NAA25: variants seen among roughly 807,000 people sequenced by gnomAD.
The protein encoded by NAA25 is N-alpha-acetyltransferase 25, NatB auxiliary subunit.
In NAA25, 30 loss-of-function variants were observed where a neutral mutation model predicts 132.5. That is an observed-to-expected ratio of 0.23 (90% CI 0.17 to 0.31). The LOEUF (loss-of-function observed/expected upper bound fraction) is 0.31, where lower values mean the gene tolerates loss of function less well. NAA25 is among the 10% of genes least tolerant of loss of function. NAA25 has a pLI of 1.00. For missense variants in NAA25, 771 were observed against 1,150.4 expected, an observed-to-expected ratio of 0.67 and a Z score of 4.77; for synonymous variants, 359 against 401.9, an observed-to-expected ratio of 0.89 and a Z score of 1.28.
chr12:112,037,271 A>AATATAT (rs1555231751), intron 22 of NAA25, among the ~76,000 whole-genome samples: 1 of 75,532 alleles, frequency 1.3e-5, no homozygotes, highest in Admixed American at 1.9e-4. Context: ...TATTTTAAAA[A>AATATAT]ATACATATAT....
rs2078514794 is a variant in NAA25, at chr12:112,054,454, G to A, written c.1562C>T (p.Ala521Val). The change falls in exon 14 of 24, where the codon GCA becomes GTA. Residue 521 changes from alanine (A) to valine (V), a missense_variant. Physicochemically the swap from Ala to Val is moderately conservative, Grantham distance 64. Transcript: ENST00000261745. ...GTAAAGATCCACCACTGGTTCAAAT[G>A]CACCCAGCATACAGTAGATTCGAAC... ...LLVRIYCMLG[A>V]FEPVVDLYSS... 4 of 1,614,056 alleles carry A rather than the reference G, an allele frequency of 2.5e-6. No homozygotes were observed. Among genetic ancestry groups the A allele is most frequent in the Non-Finnish European group, 3.4e-6 (4 of 1,179,996 alleles).
At chr12:112,057,060 C>T (rs556834356) in intron 13 of NAA25, among the ~76,000 whole-genome samples, 69 of 151,968 alleles carry the variant, frequency 4.5e-4, no homozygotes, top group African/African-American at 1.6e-3. Context: ...TGGTGGTGCG[C>T]GCCTGTAATC....
chr12:112,086,073 T>TATATATATATATATACATACACACAC (rs759148501), intron 4 of NAA25, among the ~76,000 whole-genome samples: 1 of 53,988 alleles, frequency 1.9e-5, no homozygotes, highest in African/African-American at 1.2e-4. Context: ...TATATATATA[T>TATATATATATATATACATACACACAC]ACACACACAC....
intron 13 of NAA25, among the ~76,000 whole-genome samples, chr12:112,055,042 C>T (rs573576880): frequency 3.2e-4 from 48 of 152,164 alleles, no homozygotes; most frequent in African/African-American, 1.1e-3. Flanking sequence ...TAAAATGATA[C>T]TTTTTTTGGG....
chr12:112,080,267 A>T (rs2136906466), intron 5 of NAA25, among the ~76,000 whole-genome samples: 1 of 135,628 alleles, frequency 7.4e-6, no homozygotes, highest in Non-Finnish European at 1.6e-5. Flanking sequence ...GGTTAGAGCG[A>T]GACTCTGTCT....
chr12:112,044,133 G>A lies in NAA25; in HGVS notation c.2007-265C>T, dbSNP rs370021522. Among the ~76,000 whole-genome samples, 14 of 151,206 alleles carry A rather than the reference G, an allele frequency of 9.3e-5. No homozygotes were observed. The East Asian group carries it at 9.9e-4, about 11-fold the overall frequency. The stretch of plus-strand genomic sequence containing the variant: ...TTTTTAGTAGAGACGGGTTTTCACC[G>A]TGTTAGCCAGGATGGTCTTGATCTC... On this transcript the variant is annotated intron_variant, in intron 17 of 23. Transcript: ENST00000261745.
intron 22 of NAA25, among the ~76,000 whole-genome samples, chr12:112,038,351 T>A (rs142209018): frequency 6.6e-6 from 1 of 152,318 alleles, no homozygotes; most frequent in East Asian, 1.9e-4. Flanking sequence ...ATTGTATCAA[T>A]GCTAAATTTC....
In NAA25 at chr12:112,099,240, G is replaced by A. The variant is rs1288370002; in HGVS notation, c.59-6104C>T. The stretch of plus-strand genomic sequence containing the variant: ...CTTGACCTCGTGATCCGTCTGCCTC[G>A]GTCTCCCAAAGTGCTGGGATTATAG... On this transcript the variant is annotated intron_variant, in intron 1 of 23. Transcript: ENST00000261745. 9.9e-5 allele frequency among the ~76,000 whole-genome samples: 15 copies of A among 151,368 alleles called. No individual in the cohort carries two copies. The South Asian group carries it at 1.9e-3, about 19-fold the overall frequency.
intron 4 of NAA25, among the ~76,000 whole-genome samples, chr12:112,081,536 T>C (rs772904529): frequency 6.6e-6 from 1 of 152,120 alleles, no homozygotes; most frequent in Non-Finnish European, 1.5e-5. Flanking sequence ...AACTTCAATA[T>C]CAGAAAAGAT....
chr12:112,069,044 C>G, intron 10 of NAA25, 52 bp from the exon 11 acceptor site: 1 of 1,018,116 alleles, frequency 9.8e-7, no homozygotes, highest in Non-Finnish European at 1.5e-6. Flanking sequence ...GAAGCAATTT[C>G]TATTTAAGTG....
chr12:112,108,522 C>A (rs960419975), intron 1 of NAA25, among the ~76,000 whole-genome samples, 194 bp downstream of exon 1: 3 of 151,994 alleles, frequency 2.0e-5, no homozygotes, highest in African/African-American at 7.2e-5. Context: ...GCGCCACTAC[C>A]ACCCCAAGGC....
At chr12:112,060,470 G>C in intron 12 of NAA25, 111 bp from the exon 13 acceptor site, 1 of 656,736 alleles carries the variant, frequency 1.5e-6, no homozygotes, top group Non-Finnish European at 2.6e-6. Context: ...AAAAGTAAAA[G>C]AAAATTAAGA....
rs1020895829 is a variant in NAA25 at position 112,029,455 on chromosome 12, C to T, written c.*76G>A. The T allele has an allele frequency of 6.2e-6, 10 of 1,600,228 alleles. No individual in the cohort carries two copies. Among genetic ancestry groups the T allele is most frequent in the Non-Finnish European group, 8.5e-6 (10 of 1,173,968 alleles). ...AGTTCTGGATTAAAATCATGGTCAA[C>T]CAGATGTTGCTTTTGCCTGGGAAGA... On this transcript the variant is annotated 3_prime_UTR_variant, in exon 24 of 24. Coordinates refer to ENST00000261745, the MANE Select transcript of NAA25 (RefSeq NM_024953.4).
At chr12:112,044,651 C>T (rs573101892) in intron 17 of NAA25, among the ~76,000 whole-genome samples, 25 of 150,978 alleles carry the variant, frequency 1.7e-4, no homozygotes, top group African/African-American at 6.1e-4. Flanking sequence ...GCCTGGGCGA[C>T]AGAGCAAGAC....
intron 9 of NAA25, among the ~76,000 whole-genome samples, chr12:112,074,329 C>A (rs2078862306): frequency 2.1e-5 from 2 of 96,388 alleles, no homozygotes; most frequent in South Asian, 3.6e-4. Flanking sequence ...TGACAAGAGC[C>A]AAACTCCATC....
chr12:112,078,883 C>T (rs570719159), intron 5 of NAA25, 142 bp from the exon 6 acceptor site: 1 of 628,008 alleles, frequency 1.6e-6, no homozygotes, highest in East Asian at 2.8e-5. Context: ...CAAGGAGGTA[C>T]ATTACGGAGC....
chr12:112,083,854 G>A (rs578025205), intron 4 of NAA25, among the ~76,000 whole-genome samples: 8 of 152,216 alleles, frequency 5.3e-5, no homozygotes, highest in South Asian at 2.1e-4. Flanking sequence ...GGGAAACATA[G>A]CGAAATCCCA....
intron 13 of NAA25, among the ~76,000 whole-genome samples, chr12:112,057,203 GATAAAATAAAATAACATAAA>G (rs955669433): frequency 6.6e-6 from 1 of 151,672 alleles, no homozygotes; most frequent in African/African-American, 2.4e-5. Flanking sequence ...AGTAAAATAA[GATAAAATAAAATAACATAAA>G]ATAAAATAAA....
intron 19 of NAA25, 28 bp from the exon 20 acceptor site, chr12:112,042,132 A>T (rs536326673): frequency 8.4e-7 from 1 of 1,186,770 alleles, no homozygotes; most frequent in Non-Finnish European, 1.2e-6. Context: ...AAAATGAAAA[A>T]CTTTCAATTC....
Sources: allele counts gnomAD v4.1 joint callset (sites outside exome capture counted in the v4.1 genomes callset), GRCh38; gene constraint gnomAD v4.1.1; transcripts MANE v1.5; gene names NCBI Gene and HGNC (gene_info 2026-07-23, HGNC 2026-07-21).